The following CDH13 variants were observed in gnomAD, a reference collection of about 807,000 sequenced individuals.
CDH13 encodes the protein cadherin 13, also known as cadherin-13.
A neutral mutation model predicts 63.8 loss-of-function variants in CDH13; 24 were observed. The observed-to-expected ratio is 0.38, with a 90% CI of 0.27 to 0.53. The LOEUF (loss-of-function observed/expected upper bound fraction) is 0.53. Ranked by LOEUF, CDH13 falls within the 20% of genes least tolerant of loss-of-function variation. The pLI, the probability that CDH13 is intolerant of heterozygous loss-of-function variation, is 0.85. For synonymous variants in CDH13, 503 were observed against 355.3 expected (o/e 1.42, Z -4.67); for missense variants, 1,049 against 903.1 (o/e 1.16, Z -2.07).
intron 5 of CDH13, among the ~76,000 whole-genome samples, chr16:83,297,048 G>T (rs2089616806): frequency 6.6e-6 from 1 of 152,182 alleles, no homozygotes; most frequent in South Asian, 2.1e-4. Context: ...ACTTCTGGAA[G>T]GCTGTGGATC....
At chr16:83,100,813 G>C (rs1416323582) in intron 3 of CDH13, among the ~76,000 whole-genome samples, 1 of 152,188 alleles carries the variant, frequency 6.6e-6, no homozygotes, top group African/African-American at 2.4e-5. Flanking sequence ...TGTGGTTGCA[G>C]AACACAGGGT....
chr16:83,031,316 G>GC (rs1916304194), intron 2 of CDH13, among the ~76,000 whole-genome samples: 2 of 135,832 alleles, frequency 1.5e-5, no homozygotes, highest in African/African-American at 2.7e-5. Context: ...CGCATGCATA[G>GC]GCATGTATAT....
In CDH13 at chr16:83,708,189, C is replaced by T. The variant is rs989239646; in HGVS notation, c.1538+29728C>T. Among the ~76,000 whole-genome samples the T allele has an allele frequency of 4.6e-5, 7 of 152,322 alleles. No individual in the cohort carries two copies. The South Asian group carries it at 6.2e-4, about 14-fold the overall frequency. Reference sequence around the variant, plus strand: ...GGGAGAACCAACACATCCCTGCAGACGACAAAAGCGTCCTTTTGCTCATGG... The same window carrying T: ...GGGAGAACCAACACATCCCTGCAGATGACAAAAGCGTCCTTTTGCTCATGG... On this transcript the variant is annotated intron_variant, in intron 10 of 13. Transcript: ENST00000567109.
At chr16:83,343,799 A>C (rs373274254) in intron 5 of CDH13, among the ~76,000 whole-genome samples, 2 of 152,220 alleles carry the variant, frequency 1.3e-5, no homozygotes, top group Non-Finnish European at 1.5e-5. Context: ...CCCAAGGTCA[A>C]ATCTGGACTC....
chr16:83,470,332 C>T (rs2073422425), intron 6 of CDH13, among the ~76,000 whole-genome samples: 1 of 152,178 alleles, frequency 6.6e-6, no homozygotes, highest in Non-Finnish European at 1.5e-5. Flanking sequence ...GCTGGGATTA[C>T]AGATGTGAGC....
chr16:83,691,629 C>T lies in CDH13; in HGVS notation c.1538+13168C>T, dbSNP rs561158599. On this transcript the variant is annotated intron_variant, in intron 10 of 13. Transcript: ENST00000567109. ...CAGGAGTTCAAGACCAGCACAGTTC[C>T]GTACAACGGTGCTGTTAACTTGGCA... 2.6e-5 allele frequency among the ~76,000 whole-genome samples: 4 copies of T among 152,198 alleles called. No homozygotes were observed. In the South Asian group the frequency reaches 6.2e-4, roughly 24 times the overall value.
chr16:83,449,934 C>G (rs935718917), intron 6 of CDH13, among the ~76,000 whole-genome samples: 6 of 152,182 alleles, frequency 3.9e-5, no homozygotes, highest in African/African-American at 1.4e-4. Context: ...CTGCGAGGAA[C>G]TCTAATAGAA....
At chr16:83,020,723 C>G (rs948182354) in intron 2 of CDH13, among the ~76,000 whole-genome samples, 2 of 152,238 alleles carry the variant, frequency 1.3e-5, no homozygotes, top group Non-Finnish European at 2.9e-5. Flanking sequence ...CTGCCTCCCT[C>G]TCTAGGTGCT....
intron 4 of CDH13, among the ~76,000 whole-genome samples, chr16:83,176,514 A>G (rs1232003628): frequency 1.5e-4 from 10 of 64,776 alleles, no homozygotes; most frequent in African/African-American, 1.3e-3. Flanking sequence ...CAGCTAGAGA[A>G]AAAAAAAAAA....
intron 5 of CDH13, among the ~76,000 whole-genome samples, chr16:83,235,187 A>G (rs1050763393): frequency 2.2e-4 from 33 of 152,202 alleles, no homozygotes; most frequent in African/African-American, 7.5e-4. Context: ...CCTGGGTAAC[A>G]GAGTGAGACC....
At chr16:82,971,922 A>G (rs1198637951) in intron 2 of CDH13, among the ~76,000 whole-genome samples, 1 of 152,162 alleles carries the variant, frequency 6.6e-6, no homozygotes, top group Non-Finnish European at 1.5e-5. Context: ...TGCTCAGAGG[A>G]GGATGACCTG....
At chr16:83,333,405 G>T (rs956248736) in intron 5 of CDH13, among the ~76,000 whole-genome samples, 1 of 152,076 alleles carries the variant, frequency 6.6e-6, no homozygotes, top group Non-Finnish European at 1.5e-5. Context: ...AGCGGGGGTG[G>T]TCCTATGGGG....
chr16:83,384,973 A>T (rs888562743), intron 6 of CDH13, among the ~76,000 whole-genome samples: 2 of 152,214 alleles, frequency 1.3e-5, no homozygotes, highest in Non-Finnish European at 2.9e-5. Flanking sequence ...TTTTATCTCA[A>T]ATAAGCTCTC....
intron 8 of CDH13, among the ~76,000 whole-genome samples, chr16:83,615,215 G>A (rs1212389685): frequency 3.3e-5 from 5 of 152,216 alleles, no homozygotes; most frequent in Admixed American, 6.5e-5. Flanking sequence ...TTGGATAAGC[G>A]TTTACTTCCT....
chr16:83,124,583 C>T (rs1052952793), intron 3 of CDH13, among the ~76,000 whole-genome samples: 2 of 150,694 alleles, frequency 1.3e-5, no homozygotes, highest in East Asian at 3.9e-4. Flanking sequence ...AATCCTTTGC[C>T]GAGGCCAATA....
chr16:83,551,870 G>A (rs1352633448), intron 7 of CDH13, among the ~76,000 whole-genome samples: 1 of 152,156 alleles, frequency 6.6e-6, no homozygotes, highest in Non-Finnish European at 1.5e-5. Flanking sequence ...ATGGTTCCTG[G>A]CACATAATTA....
chr16:83,200,763 A>G (rs1199788185), intron 4 of CDH13, among the ~76,000 whole-genome samples: 1 of 152,196 alleles, frequency 6.6e-6, no homozygotes, highest in East Asian at 1.9e-4. Flanking sequence ...CACAGCTACT[A>G]TGATCTTCTC....
intron 1 of CDH13, among the ~76,000 whole-genome samples, chr16:82,694,390 C>G (rs2030001475): frequency 6.6e-6 from 1 of 152,210 alleles, no homozygotes; most frequent in Non-Finnish European, 1.5e-5. Context: ...CTGCAACATT[C>G]AGCACTTTTT....
intron 2 of CDH13, among the ~76,000 whole-genome samples, chr16:83,002,103 C>T (rs12925978): frequency 0.11 from 17,295 of 152,194 alleles, 1,165 homozygotes; most frequent in Non-Finnish European, 0.15. Context: ...GGTTGAATGT[C>T]GGCCCCAAAA....
Sources: allele counts gnomAD v4.1 joint callset (sites outside exome capture counted in the v4.1 genomes callset), GRCh38; gene constraint gnomAD v4.1.1; transcripts MANE v1.5; gene names NCBI Gene and HGNC (gene_info 2026-07-23, HGNC 2026-07-21).